Variants in REV3L observed in about 807,000 individuals in gnomAD.
The protein encoded by REV3L is DNA polymerase zeta catalytic subunit.
REV3L carries 69 observed loss-of-function variants against 299.4 expected under a neutral mutation model. That is an observed-to-expected ratio of 0.23 (90% CI 0.19 to 0.28). The LOEUF is 0.28. Ranked by LOEUF, REV3L falls within the 10% of genes least tolerant of loss-of-function variation. REV3L has a pLI of 1.00. For missense variants in REV3L, 3,128 were observed against 3,693.8 expected (o/e 0.85, Z 3.97); for synonymous variants, 1,238 against 1,271.4 (o/e 0.97, Z 0.56).
intron 1 of REV3L, among the ~76,000 whole-genome samples, chr6:111,442,697 C>T (rs1360666904): frequency 5.3e-5 from 8 of 152,132 alleles, no homozygotes; most frequent in Non-Finnish European, 5.9e-5. Flanking sequence ...TTTCCCCTAA[C>T]CTGCTCTCTT....
Position 111,359,000 on chromosome 6 carries a change from G to A in REV3L, c.6894C>T (p.Thr2298=), listed in dbSNP as rs1778373336. Residue 2298 remains threonine, a synonymous_variant, in exon 17 of 32, where the codon ACC becomes ACT. Coordinates refer to ENST00000368802, the MANE Select transcript of REV3L (RefSeq NM_001372078.1). The stretch of plus-strand genomic sequence containing the variant: ...GAGCATGCAACTCCACACTGATTAG[G>A]GTAAGATTTTGTATCTATAAAAGCA... The part of the protein sequence containing the change: ...AKALHEIQNL[T]LISVELHART... The A allele has an allele frequency of 1.2e-6, 2 of 1,609,560 alleles. No homozygotes were observed. Among genetic ancestry groups the A allele is most frequent in the Non-Finnish European group, 1.7e-6 (2 of 1,178,078 alleles).
At chr6:111,370,657 G>A (rs965879413) in intron 13 of REV3L, among the ~76,000 whole-genome samples, 5 of 152,056 alleles carry the variant, frequency 3.3e-5, no homozygotes, top group Admixed American at 6.5e-5. Flanking sequence ...AATCTGCTGG[G>A]TAAAAGCCTG....
intron 25 of REV3L, among the ~76,000 whole-genome samples, chr6:111,326,807 T>TA (rs201555297): frequency 0.013 from 1,958 of 146,516 alleles, 15 homozygotes; most frequent in African/African-American, 0.032. Context: ...ATCTGCCCTT[T>TA]AAAAAAAAAA....
chr6:111,305,526 G>A (rs1772182864), intron 31 of REV3L, among the ~76,000 whole-genome samples: 1 of 152,054 alleles, frequency 6.6e-6, no homozygotes, highest in South Asian at 2.1e-4. Flanking sequence ...GGTTGAGGCT[G>A]CAATGAGCTG....
chr6:111,462,385 G>A (rs1294427597), intron 1 of REV3L, among the ~76,000 whole-genome samples: 2 of 152,070 alleles, frequency 1.3e-5, no homozygotes, highest in Non-Finnish European at 2.9e-5. Context: ...CAGAGATAAA[G>A]AGGCTGTCCG....
chr6:111,332,614 C>T (rs371799865), intron 23 of REV3L, among the ~76,000 whole-genome samples: 14 of 151,988 alleles, frequency 9.2e-5, no homozygotes, highest in African/African-American at 2.7e-4. Flanking sequence ...AAAAGGAAGA[C>T]TCCGTTATTT....
At chr6:111,420,773 G>T (rs1297998111) in intron 1 of REV3L, among the ~76,000 whole-genome samples, 1 of 152,198 alleles carries the variant, frequency 6.6e-6, no homozygotes, top group Non-Finnish European at 1.5e-5. Context: ...CATAACAAAA[G>T]GCAGATGCCT....
intron 1 of REV3L, among the ~76,000 whole-genome samples, chr6:111,438,962 G>T (rs1230784270): frequency 6.6e-6 from 1 of 152,146 alleles, no homozygotes; most frequent in East Asian, 1.9e-4. Context: ...GGTTACCCTG[G>T]AGTTTGAAGT....
At chr6:111,477,627 T>C (rs770266875) in intron 1 of REV3L, among the ~76,000 whole-genome samples, 35 of 152,114 alleles carry the variant, frequency 2.3e-4, no homozygotes, top group Admixed American at 1.3e-4. Flanking sequence ...AGAACATGGC[T>C]CAAGTCATGA....
Position 111,399,017 on chromosome 6 carries a change from G to A in REV3L, c.566-6045C>T, listed in dbSNP as rs534308244. Among the ~76,000 whole-genome samples the A allele has an allele frequency of 1.4e-4, 21 of 151,994 alleles. No homozygotes were observed. The East Asian group carries it at 2.3e-3, about 17-fold the overall frequency. ...TGCCTTCAAATCTGTAAACACTTCCGATATTCTGAAAAAAACCCTTCTGAG... is the reference window on the plus strand; with the variant it reads ...TGCCTTCAAATCTGTAAACACTTCCAATATTCTGAAAAAAACCCTTCTGAG... On this transcript the variant is annotated intron_variant, in intron 4 of 31. Transcript: ENST00000368802.
chr6:111,425,328 G>A (rs1487817266), intron 1 of REV3L, among the ~76,000 whole-genome samples: 2 of 152,120 alleles, frequency 1.3e-5, no homozygotes, highest in Admixed American at 6.5e-5. Flanking sequence ...GTGTGGTGGC[G>A]GGCACCTGTA....
chr6:111,387,742 T>C (rs764234487), intron 9 of REV3L, 23 bp downstream of exon 9: 5 of 1,606,882 alleles, frequency 3.1e-6, no homozygotes, highest in African/African-American at 1.3e-5. Context: ...GTAGTTTCTG[T>C]ATACATGAAA....
chr6:111,348,300 T>C (rs1455640563), intron 20 of REV3L, among the ~76,000 whole-genome samples: 2 of 152,106 alleles, frequency 1.3e-5, no homozygotes, highest in African/African-American at 2.4e-5. Context: ...AGGATGCAAA[T>C]ATTACCCAGG....
intron 4 of REV3L, among the ~76,000 whole-genome samples, chr6:111,395,599 T>C (rs776104602): frequency 1.6e-4 from 25 of 152,218 alleles, no homozygotes; most frequent in South Asian, 6.2e-4. Flanking sequence ...TAAGAGTTTT[T>C]TGTTGGAGTC....
In REV3L at chr6:111,396,934, G is replaced by C. The variant is rs1782575146; in HGVS notation, c.566-3962C>G. ...AACTTGTTCACATATAGTTGTTCAT[G>C]ATAGTCTCTGATGATCCTCTCTATT... On this transcript the variant is annotated intron_variant, in intron 4 of 31. Transcript: ENST00000368802. 2.0e-5 allele frequency among the ~76,000 whole-genome samples: 3 copies of C among 152,072 alleles called. 1 individual carries two copies. The South Asian group carries it at 6.2e-4, about 31-fold the overall frequency.
chr6:111,455,102 G>A (rs1790017272), intron 1 of REV3L, among the ~76,000 whole-genome samples: 2 of 152,202 alleles, frequency 1.3e-5, no homozygotes, highest in Admixed American at 1.3e-4. Context: ...AATCTTGCAA[G>A]TTAATGTGAT....
intron 30 of REV3L, chr6:111,307,777 T>A (rs768829082): frequency 4.3e-4 from 239 of 559,646 alleles, no homozygotes; most frequent in Non-Finnish European, 6.8e-4. Flanking sequence ...GGAACTTACA[T>A]CTTAATATTA....
At chr6:111,314,572 T>C (rs1051383413) in intron 27 of REV3L, among the ~76,000 whole-genome samples, 5 of 152,184 alleles carry the variant, frequency 3.3e-5, no homozygotes, top group African/African-American at 1.2e-4. Flanking sequence ...GTTTCAACCC[T>C]TAGCTGCTGG....
At chr6:111,358,112 G>C (rs889648543) in intron 17 of REV3L, among the ~76,000 whole-genome samples, 8 of 151,788 alleles carry the variant, frequency 5.3e-5, no homozygotes, top group African/African-American at 1.9e-4. Flanking sequence ...AGCTGCAGAG[G>C]GACAGTAGGT....
Sources: allele counts gnomAD v4.1 joint callset (sites outside exome capture counted in the v4.1 genomes callset), GRCh38; gene constraint gnomAD v4.1.1; transcripts MANE v1.5; gene names NCBI Gene and HGNC (gene_info 2026-07-23, HGNC 2026-07-21).